The following EGLN1 variants were observed in gnomAD, a reference collection of about 807,000 sequenced individuals.
EGLN1 encodes the protein egl nine homolog 1.
A neutral mutation model predicts 38.3 loss-of-function variants in EGLN1; 17 were observed. That is an observed-to-expected ratio of 0.44 (90% confidence interval 0.30 to 0.67). The LOEUF is 0.67. Ranked by LOEUF, EGLN1 falls within the 30% of genes least tolerant of loss-of-function variation. EGLN1 has a pLI of 0.08. For synonymous variants in EGLN1, 283 were observed against 257.5 expected (o/e 1.10, Z -0.95); for missense variants, 477 against 603.3 (o/e 0.79, Z 2.19).
chr1:231,375,759 G>C (rs1687944007), intron 1 of EGLN1, among the ~76,000 whole-genome samples: 2 of 152,156 alleles, frequency 1.3e-5, no homozygotes, highest in Admixed American at 6.5e-5. Context: ...CTTGTCACTA[G>C]CTACCCAGGA....
rs1572012297 is a variant in EGLN1 at position 231,364,818 on chromosome 1, C to T, written c.*1593G>A. ...ACCTAAGTGGGCAAGGTCTTACACC[C>T]ATAATTCACGCAAAATATGGATACC... On this transcript the variant is annotated 3_prime_UTR_variant, in exon 5 of 5. Transcript: ENST00000366641. 6.6e-6 allele frequency: 1 copy of T among 152,152 alleles called. No homozygotes were observed. Among genetic ancestry groups the T allele is most frequent in the Non-Finnish European group, 1.5e-5 (1 of 68,006 alleles). 9.4% of individuals were successfully genotyped at this position (152,152 alleles called of 1,614,324 possible).
At chr1:231,368,820 G>C (rs142430431) in intron 3 of EGLN1, among the ~76,000 whole-genome samples, 7 of 152,244 alleles carry the variant, frequency 4.6e-5, no homozygotes, top group African/African-American at 1.7e-4. Flanking sequence ...CCCCACCACT[G>C]GTGAATCACA....
chr1:231,384,509 G>C (rs926235402), intron 1 of EGLN1, among the ~76,000 whole-genome samples: 2 of 152,132 alleles, frequency 1.3e-5, no homozygotes, highest in African/African-American at 4.8e-5. Context: ...AAGAAGAAAT[G>C]AATGTTCCAG....
At chr1:231,420,879 A>T (rs1656563707) in intron 1 of EGLN1, 119 bp downstream of exon 1, 2 of 1,596,070 alleles carry the variant, frequency 1.3e-6, no homozygotes. Flanking sequence ...CTACACAAGA[A>T]AGAGCGAGTC....
intron 1 of EGLN1, among the ~76,000 whole-genome samples, chr1:231,413,802 A>T (rs116798248): frequency 1.3e-3 from 202 of 152,308 alleles, no homozygotes; most frequent in African/African-American, 4.7e-3. Flanking sequence ...AAGGGTAAAG[A>T]GTACACGTAT....
rs1339477132 is a variant in EGLN1 at position 231,377,692 on chromosome 1, C to A, written c.892-3593G>T. On this transcript the variant is annotated intron_variant, in intron 1 of 4. Coordinates refer to ENST00000366641, the MANE Select transcript of EGLN1 (RefSeq NM_022051.3). ...CCAGGATTATCCCCCAACCGGGGAT[C>A]TGTTTGTATTATTCACTTCTAAACT... is the stretch of plus-strand genomic sequence containing the variant. 2.0e-5 allele frequency among the ~76,000 whole-genome samples: 3 copies of A among 152,294 alleles called. No homozygotes were observed. The East Asian group carries it at 5.8e-4, about 29-fold the overall frequency.
chr1:231,402,866 GAAC>G (rs1688696981), intron 1 of EGLN1, among the ~76,000 whole-genome samples: 1 of 148,266 alleles, frequency 6.7e-6, no homozygotes, highest in Admixed American at 6.7e-5. Context: ...AAAAAAAAAA[GAAC>G]AAAAACCTAG....
chr1:231,418,437 G>A (rs951419781), intron 1 of EGLN1, among the ~76,000 whole-genome samples: 1 of 152,174 alleles, frequency 6.6e-6, no homozygotes, highest in African/African-American at 2.4e-5. Flanking sequence ...TTAAAAAAGA[G>A]CATGGGTTTG....
chr1:231,367,457 A>G, intron 4 of EGLN1, 112 bp downstream of exon 4: 1 of 1,110,740 alleles, frequency 9.0e-7, no homozygotes, highest in East Asian at 2.4e-5. Context: ...GATAAAAAAC[A>G]AAAAGTAAGT....
intron 2 of EGLN1, among the ~76,000 whole-genome samples, chr1:231,372,978 A>T (rs1359860223): frequency 6.6e-6 from 1 of 152,218 alleles, no homozygotes; most frequent in East Asian, 1.9e-4. Flanking sequence ...TGAACTATAC[A>T]AGCCACTTTT....
chr1:231,384,712 G>T (rs1200424293), intron 1 of EGLN1, among the ~76,000 whole-genome samples: 2 of 152,198 alleles, frequency 1.3e-5, no homozygotes, highest in African/African-American at 4.8e-5. Context: ...GTCACCGGAA[G>T]GCACTGGGTA....
At chr1:231,418,645 CCT>C (rs1435960991) in intron 1 of EGLN1, among the ~76,000 whole-genome samples, 1 of 152,060 alleles carries the variant, frequency 6.6e-6, no homozygotes, top group Non-Finnish European at 1.5e-5. Context: ...AGGAGGATCC[CCT>C]GAGCCGAGGA....
chr1:231,421,280 G>C lies in EGLN1; in HGVS notation c.609C>G (p.Asn203Lys), dbSNP rs1190391316. ...LALEYIVPCM[N>K]KHGICVVDDF... ...CGTCCACCACACAGATGCCGTGCTT[G>C]TTCATGCACGGCACGATGTACTCGA... The change falls in exon 1 of 5, where the codon AAC (asparagine) becomes AAG (lysine). Residue 203 changes from asparagine (N) to lysine (K), a missense_variant. Physicochemically the swap from Asn to Lys is moderately conservative, Grantham distance 94. Around this residue, in one of 4 missense-constraint regions of EGLN1, gnomAD observed 119 missense variants for 179.0 expected, o/e 0.66. Coordinates refer to ENST00000366641, the MANE Select transcript of EGLN1 (RefSeq NM_022051.3). The surrounding 1 kb of genome is among the most constrained non-coding windows in gnomAD (Gnocchi z 5.5). 2 of 1,613,466 alleles carry C rather than the reference G, an allele frequency of 1.2e-6. No individual in the cohort carries two copies. Among genetic ancestry groups the C allele is most frequent in the South Asian group, 1.1e-5 (1 of 91,074 alleles).
intron 1 of EGLN1, among the ~76,000 whole-genome samples, chr1:231,407,599 T>G (rs1688830505): frequency 6.6e-6 from 1 of 152,172 alleles, no homozygotes; most frequent in African/African-American, 2.4e-5. Context: ...TATGCTGTTT[T>G]GTTTTGAAGG....
intron 1 of EGLN1, among the ~76,000 whole-genome samples, chr1:231,394,296 G>T (rs1057083113): frequency 4.6e-5 from 7 of 151,916 alleles, no homozygotes; most frequent in African/African-American, 1.7e-4. Context: ...CTGTATTTCT[G>T]GTCAGGTTTG....
rs996072419 is a variant in EGLN1, at chr1:231,421,856, C to CGGCCCGCCG, written c.24_32dup (p.Gly9_Pro11dup). 17 of 1,485,864 alleles carry CGGCCCGCCG rather than the reference C, an allele frequency of 1.1e-5. No homozygotes were observed. The highest frequency in any genetic ancestry group is 1.0e-4 in the African/African-American group (7 of 68,404). The allele number at this position is 1,485,864 out of a possible 1,614,324, so 92.0% of individuals were successfully genotyped here. ...ACTGCCGGTCTCGCTCGCTCGGGCT[C>CGGCCCGCCG]GGCCCGCCGGGCCCGCCGCTGTCAT... is the stretch of plus-strand genomic sequence containing the variant. On this transcript the variant is annotated inframe_insertion, in exon 1 of 5. Transcript: ENST00000366641. The surrounding 1 kb of genome is among the most constrained non-coding windows in gnomAD (Gnocchi z 5.5).
At chr1:231,387,948 TTA>T (rs1438158598) in intron 1 of EGLN1, among the ~76,000 whole-genome samples, 1 of 152,220 alleles carries the variant, frequency 6.6e-6, no homozygotes, top group African/African-American at 2.4e-5. Flanking sequence ...GGCTTAATCT[TTA>T]TGTCACAATG....
chr1:231,412,537 C>T (rs916798269), intron 1 of EGLN1, among the ~76,000 whole-genome samples: 15 of 152,188 alleles, frequency 9.9e-5, no homozygotes, highest in African/African-American at 3.4e-4. Context: ...CAAGGAAGCA[C>T]AGACATACTT....
At chr1:231,373,895 C>T in intron 2 of EGLN1, 85 bp downstream of exon 2, 2 of 1,496,464 alleles carry the variant, frequency 1.3e-6, no homozygotes, top group African/African-American at 1.4e-5. Flanking sequence ...GTGTCTGTGA[C>T]AGTCTTATCA....
Sources: gnomAD v4.1 joint callset for allele counts (sites outside exome capture counted in the v4.1 genomes callset) on GRCh38, gnomAD v4.1.1 for gene constraint, gnomAD v4.1.1 regional missense constraint, Gnocchi (gnomAD v3.1) non-coding constraint, MANE v1.5 for transcripts, NCBI Gene and HGNC (gene_info 2026-07-23, HGNC 2026-07-21) for gene names.